ATG10: variants seen among roughly 807,000 people sequenced by gnomAD.
ATG10 encodes ubiquitin-like-conjugating enzyme ATG10.
ATG10 carries 30 observed loss-of-function variants against 32.1 expected under a neutral mutation model. That is an observed-to-expected ratio of 0.94 (90% CI 0.70 to 1.27). The LOEUF (loss-of-function observed/expected upper bound fraction) is 1.27. Among genes scored for constraint, ATG10 ranks in the 50% most tolerant of loss-of-function variants. The pLI is 0.00. For missense variants in ATG10, 233 were observed against 262.3 expected, an observed-to-expected ratio of 0.89 and a Z score of 0.77; for synonymous variants, 87 against 91.5, an observed-to-expected ratio of 0.95 and a Z score of 0.28.
chr5:82,091,417 C>T (rs1764880647), intron 3 of ATG10, among the ~76,000 whole-genome samples: 1 of 151,982 alleles, frequency 6.6e-6, no homozygotes, highest in Non-Finnish European at 1.5e-5. Flanking sequence ...TCAGTGGCTT[C>T]ATGATACTCA....
intron 1 of ATG10, among the ~76,000 whole-genome samples, chr5:81,987,000 G>A (rs929039829): frequency 6.6e-5 from 10 of 152,256 alleles, no homozygotes; most frequent in Non-Finnish European, 1.5e-4. Flanking sequence ...CCGGGATCAT[G>A]CCATTGCACT....
chr5:82,211,167 A>G (rs1463061623), intron 5 of ATG10, among the ~76,000 whole-genome samples: 1 of 152,198 alleles, frequency 6.6e-6, no homozygotes, highest in African/African-American at 2.4e-5. Context: ...ACTTCTTTCC[A>G]TAGTGCATGA....
intron 5 of ATG10, among the ~76,000 whole-genome samples, chr5:82,213,740 T>C (rs555162140): frequency 6.6e-6 from 1 of 152,320 alleles, no homozygotes; most frequent in East Asian, 1.9e-4. Context: ...AAGAGCGGAA[T>C]TCATGTCTTT....
At chr5:82,120,844 A>G (rs1394292885) in intron 3 of ATG10, among the ~76,000 whole-genome samples, 2 of 152,192 alleles carry the variant, frequency 1.3e-5, no homozygotes, top group African/African-American at 4.8e-5. Flanking sequence ...TTAGAGGTCA[A>G]GTGGCCTTAA....
chr5:82,219,211 G>A (rs186866790), intron 5 of ATG10, among the ~76,000 whole-genome samples: 3 of 152,208 alleles, frequency 2.0e-5, no homozygotes, highest in African/African-American at 4.8e-5. Flanking sequence ...CACTGTAATC[G>A]CCTCTTGCAG....
At position 82,059,393 on chromosome 5, in the gene ATG10, C is replaced by T. The variant is rs918339739; in HGVS notation, c.216+791C>T. 1.2e-3 allele frequency among the ~76,000 whole-genome samples: 177 copies of T among 149,594 alleles called. 2 individuals carry two copies. The highest frequency in any genetic ancestry group is 2.4e-3 in the Admixed American group (36 of 14,982). ...CTTTCACATATTTCTATCATATACA[C>T]ACACACACACACACTTTTTTTTTTT... On this transcript the variant is annotated intron_variant, in intron 3 of 7. Coordinates refer to ENST00000282185, the MANE Select transcript of ATG10 (RefSeq NM_031482.5).
chr5:82,161,336 A>C (rs1743331874), intron 3 of ATG10, among the ~76,000 whole-genome samples: 1 of 152,134 alleles, frequency 6.6e-6, no homozygotes, highest in Admixed American at 6.6e-5. Context: ...GCTGCCAGTG[A>C]GAACAGTGAC....
At chr5:82,129,902 G>T (rs555212498) in intron 3 of ATG10, among the ~76,000 whole-genome samples, 1 of 152,276 alleles carries the variant, frequency 6.6e-6, no homozygotes, top group East Asian at 1.9e-4. Flanking sequence ...TCTTTTCACA[G>T]CCTGCAGGCA....
intron 3 of ATG10, among the ~76,000 whole-genome samples, chr5:82,105,241 C>T (rs908125501): frequency 5.5e-4 from 83 of 151,978 alleles, no homozygotes; most frequent in Non-Finnish European, 1.1e-3. Context: ...TCGTAAATTT[C>T]CTGTGTTCAT....
At chr5:82,080,455 A>G (rs1456289871) in intron 3 of ATG10, among the ~76,000 whole-genome samples, 14 of 152,000 alleles carry the variant, frequency 9.2e-5, no homozygotes, top group Admixed American at 2.0e-4. Context: ...TGTCCTGAAT[A>G]GTATTGCCTA....
chr5:81,976,159 C>T (rs1279841963), intron 1 of ATG10: 1 of 149,758 alleles, frequency 6.7e-6, no homozygotes, highest in Non-Finnish European at 1.5e-5. Flanking sequence ...CGCCACCTTG[C>T]CCGGCTAATT....
intron 3 of ATG10, among the ~76,000 whole-genome samples, chr5:82,135,995 T>A (rs1766723883): frequency 3.9e-5 from 6 of 152,204 alleles, no homozygotes; most frequent in Admixed American, 3.9e-4. Context: ...GTCCTTTTGA[T>A]CTTTGTTGGT....
intron 3 of ATG10, among the ~76,000 whole-genome samples, chr5:82,061,844 C>G (rs538997167): frequency 2.7e-4 from 9 of 33,170 alleles, no homozygotes; most frequent in Admixed American, 1.2e-3. Context: ...TTTTTTTTTA[C>G]AGGCAGGGTC....
At chr5:81,993,432 T>TTTCC (rs1761566159) in intron 2 of ATG10, among the ~76,000 whole-genome samples, 3 of 139,052 alleles carry the variant, frequency 2.2e-5, no homozygotes, top group Non-Finnish European at 4.6e-5. Context: ...TCTTTCCTTC[T>TTTCC]TTCTTTCTTT....
chr5:82,209,218 T>A (rs888433688), intron 5 of ATG10, among the ~76,000 whole-genome samples: 8 of 152,296 alleles, frequency 5.3e-5, no homozygotes, highest in East Asian at 1.9e-4. Context: ...TCGTCTTTTT[T>A]AAAAAAATTT....
intron 3 of ATG10, among the ~76,000 whole-genome samples, chr5:82,065,878 G>A (rs1763928614): frequency 6.6e-6 from 1 of 151,734 alleles, no homozygotes; most frequent in African/African-American, 2.4e-5. Context: ...ATATATTATT[G>A]CAAAATAGCT....
chr5:82,078,730 A>G (rs1764364445), intron 3 of ATG10: 2 of 152,478 alleles, frequency 1.3e-5, no homozygotes, highest in East Asian at 1.9e-4. Flanking sequence ...CCTCTAAAAA[A>G]GAAAAAAGAA....
chr5:82,203,354 CA>C (rs1314443674), intron 5 of ATG10, among the ~76,000 whole-genome samples: 1 of 152,130 alleles, frequency 6.6e-6, no homozygotes, highest in Non-Finnish European at 1.5e-5. Flanking sequence ...GCCATTGGGT[CA>C]AAGCCAGGAA....
At chr5:81,993,360 C>CTTTCTTTCTTTCTTTCTTTTCTTTTCTT in intron 2 of ATG10, among the ~76,000 whole-genome samples, 1 of 46,768 alleles carries the variant, frequency 2.1e-5, no homozygotes. Flanking sequence ...TCTTTCTTTC[C>CTTTCTTTCTTTCTTTCTTTTCTTTTCTT]TTCTTTTCTT....
Sources: allele counts gnomAD v4.1 joint callset (sites outside exome capture counted in the v4.1 genomes callset), GRCh38; gene constraint gnomAD v4.1.1; transcripts MANE v1.5; gene names NCBI Gene and HGNC (gene_info 2026-07-23, HGNC 2026-07-21).